The following SNED1 variants were observed in gnomAD, a reference collection of about 807,000 sequenced individuals.
SNED1 encodes the protein sushi, nidogen and EGF-like domain-containing protein 1.
In SNED1, 81 loss-of-function variants were observed where a neutral mutation model predicts 166.7. That is an observed-to-expected ratio of 0.49 (90% CI 0.41 to 0.58). The LOEUF is 0.58. SNED1 is among the 20% of genes least tolerant of loss of function. The pLI is 0.00. For missense variants in SNED1, 1,604 were observed against 2,000.2 expected (o/e 0.80, Z 3.78); for synonymous variants, 762 against 822.0 (o/e 0.93, Z 1.25).
Position 241,018,353 on chromosome 2 carries a change from A to G in SNED1, c.214-11931A>G, listed in dbSNP as rs1052390596. On this transcript the variant is annotated intron_variant, in intron 1 of 31. Coordinates refer to ENST00000310397, the MANE Select transcript of SNED1 (RefSeq NM_001080437.3). The surrounding 1 kb of genome is among the most constrained non-coding windows in gnomAD (Gnocchi z 5.4). ...CAGATACCACCTGGATCCACAGGACAGAGATGGGGAACCCAGCGCAGGTCA... is the reference window on the plus strand; with the variant it reads ...CAGATACCACCTGGATCCACAGGACGGAGATGGGGAACCCAGCGCAGGTCA... Among the ~76,000 whole-genome samples the G allele has an allele frequency of 4.6e-5, 7 of 152,216 alleles. No individual in the cohort carries two copies. Among genetic ancestry groups the G allele is most frequent in the African/African-American group, 1.4e-4 (6 of 41,458 alleles).
chr2:241,061,939 G>A (rs1458657337), intron 16 of SNED1, among the ~76,000 whole-genome samples: 1 of 152,006 alleles, frequency 6.6e-6, no homozygotes, highest in African/African-American at 2.4e-5. Context: ...AATGGGTGAA[G>A]TATGATATAA....
intron 1 of SNED1, among the ~76,000 whole-genome samples, chr2:241,001,890 C>T (rs935798734): frequency 6.6e-5 from 10 of 152,200 alleles, no homozygotes; most frequent in South Asian, 4.2e-4. Flanking sequence ...CTGCAGAGCC[C>T]GCAGGCAAGA....
At chr2:241,088,915 T>C (rs1404859833) in intron 31 of SNED1, 2 of 204,578 alleles carry the variant, frequency 9.8e-6, no homozygotes, top group Non-Finnish European at 1.9e-5. Flanking sequence ...GATCGCTTAA[T>C]ATTTAGAAAG....
intron 1 of SNED1, among the ~76,000 whole-genome samples, chr2:241,020,966 A>G (rs2060754468): frequency 1.3e-5 from 2 of 152,130 alleles, no homozygotes; most frequent in Non-Finnish European, 2.9e-5. Flanking sequence ...CAGCAATTCC[A>G]CCTTCAGATG....
chr2:241,026,009 CTT>C (rs71404676), intron 1 of SNED1, among the ~76,000 whole-genome samples: 187 of 73,560 alleles, frequency 2.5e-3, no homozygotes, highest in African/African-American at 6.6e-3. Flanking sequence ...TTTTCTTTTC[CTT>C]TTTTTTTTTT....
upstream of SNED1, among the ~76,000 whole-genome samples, chr2:240,998,613 G>C (rs924996820): frequency 4.6e-5 from 7 of 151,892 alleles, no homozygotes; most frequent in Non-Finnish European, 8.8e-5. Context: ...CCCAGGGGCG[G>C]GGCTGGCCCC....
In SNED1 at chr2:241,013,136, G is replaced by A. The variant is rs1226554497; in HGVS notation, c.213+14086G>A. On this transcript the variant is annotated intron_variant, in intron 1 of 31. Coordinates refer to ENST00000310397, the MANE Select transcript of SNED1 (RefSeq NM_001080437.3). The surrounding 1 kb of genome is among the most constrained non-coding windows in gnomAD (Gnocchi z 4.6). ...GGCGTGAGCCACCGCGCCCGGCCACGAGCAGTACTGTTAACTACGGTTGCC... is the reference window on the plus strand; with the variant it reads ...GGCGTGAGCCACCGCGCCCGGCCACAAGCAGTACTGTTAACTACGGTTGCC... 1.3e-5 allele frequency among the ~76,000 whole-genome samples: 2 copies of A among 152,018 alleles called. No individual in the cohort carries two copies. The highest frequency in any genetic ancestry group is 4.8e-5 in the African/African-American group (2 of 41,486).
chr2:241,087,167 G>T (rs1262856425), intron 29 of SNED1: 2 of 507,382 alleles, frequency 3.9e-6, no homozygotes, highest in Non-Finnish European at 3.5e-6. Flanking sequence ...ATTAAAATGG[G>T]TTTATTTTAT....
At chr2:241,071,954 C>A in intron 26 of SNED1, 76 bp downstream of exon 26, 1 of 1,216,188 alleles carries the variant, frequency 8.2e-7, no homozygotes. Context: ...GGTCCTGTCC[C>A]CTACATGATG....
In SNED1 at chr2:241,064,046, T is replaced by C. The variant is rs1402155854; in HGVS notation, c.2520T>C (p.His840=). 6.4e-7 allele frequency: 1 copy of C among 1,562,284 alleles called. No individual in the cohort carries two copies. The highest frequency in any genetic ancestry group is 1.9e-5 in the Admixed American group (1 of 52,796). ...CCTGCGACTCCAGCCCCTGCCAGCA[T>C]GGAGGCCGGTGTGAGAGCGGCGGCG... ...VDACDSSPCQ[H]GGRCESGGGA... The change falls in exon 19 of 32, where the codon CAT becomes CAC. Residue 840 remains histidine (H), a synonymous_variant. Coordinates refer to ENST00000310397, the MANE Select transcript of SNED1 (RefSeq NM_001080437.3). The surrounding 1 kb of genome is among the most constrained non-coding windows in gnomAD (Gnocchi z 7.0).
In SNED1 at chr2:241,073,212, C is replaced by G; in HGVS notation, c.3818-54C>G. ...AGCACTCAAAAGGGTGGCCCCAGGA[C>G]CATCCCGGGTGCAAAGCAGCTGCGC... On this transcript the variant is annotated intron_variant, in intron 26 of 31. Coordinates refer to ENST00000310397, the MANE Select transcript of SNED1 (RefSeq NM_001080437.3). This position sits in a 1 kb window ranked among gnomAD's most constrained non-coding sequence, Gnocchi z 6.6. 1 of 1,353,976 alleles carries G rather than the reference C, an allele frequency of 7.4e-7. No individual in the cohort carries two copies. Among genetic ancestry groups the G allele is most frequent in the East Asian group, 2.5e-5 (1 of 39,582 alleles). The allele number at this position is 1,353,976 out of a possible 1,614,324, so 83.9% of individuals were successfully genotyped here.
At chr2:241,017,099 C>T (rs1574880370) in intron 1 of SNED1, among the ~76,000 whole-genome samples, 1 of 152,296 alleles carries the variant, frequency 6.6e-6, no homozygotes, top group South Asian at 2.1e-4. Context: ...GATCCACCCA[C>T]CTTGGCCTCC....
chr2:241,083,436 C>T (rs926764736), intron 29 of SNED1, among the ~76,000 whole-genome samples: 1 of 152,096 alleles, frequency 6.6e-6, no homozygotes, highest in South Asian at 2.1e-4. Context: ...GTGACATGTT[C>T]GATTACACTA....
chr2:241,078,142 T>C (rs1394516227), intron 27 of SNED1, among the ~76,000 whole-genome samples: 3 of 151,962 alleles, frequency 2.0e-5, no homozygotes, highest in African/African-American at 4.8e-5. Flanking sequence ...CCCAGCACTT[T>C]GGGAGGCCGA....
intron 4 of SNED1, among the ~76,000 whole-genome samples, 154 bp downstream of exon 4, chr2:241,034,884 G>T (rs553131793): frequency 5.4e-4 from 82 of 152,208 alleles, no homozygotes; most frequent in African/African-American, 1.7e-3. Context: ...GTGAAACTAA[G>T]GAAAGCCTGG....
intron 16 of SNED1, among the ~76,000 whole-genome samples, chr2:241,062,549 C>T (rs1313862746): frequency 6.6e-6 from 1 of 152,178 alleles, no homozygotes; most frequent in Non-Finnish European, 1.5e-5. Flanking sequence ...CCCACAGCGT[C>T]TTCTGGGAGC....
rs1008822863 is a variant in SNED1, at chr2:241,069,039, C to T, written c.3307+16C>T. 1.9e-5 allele frequency: 29 copies of T among 1,519,480 alleles called. No individual in the cohort carries two copies. Among genetic ancestry groups the T allele is most frequent in the Admixed American group, 1.2e-4 (6 of 49,524 alleles). The allele number at this position is 1,519,480 out of a possible 1,614,324, so 94.1% of individuals were successfully genotyped here. A position where few individuals can be genotyped will look rare whatever the true frequency, so the allele number is the denominator to read the frequency against. On this transcript the variant is annotated intron_variant, in intron 23 of 31. Transcript: ENST00000310397. The surrounding 1 kb of genome is among the most constrained non-coding windows in gnomAD (Gnocchi z 4.9). ...GTGTGGACCCGTGAGTAGAGCAGCG[C>T]GGCCCCCGGCACACGAAAGGCCGTC...
At chr2:241,071,504 C>G (rs918842775) in intron 24 of SNED1, 72 bp from the exon 25 acceptor site, 7 of 1,514,950 alleles carry the variant, frequency 4.6e-6, no homozygotes, top group Non-Finnish European at 6.2e-6. Context: ...GGGGCACCAC[C>G]CATGCCACAG....
Position 241,064,067 on chromosome 2 carries a change from C to T in SNED1, c.2541C>T (p.Gly847=), listed in dbSNP as rs372029217. 4.5e-5 allele frequency: 70 copies of T among 1,569,962 alleles called. No individual in the cohort carries two copies. Among genetic ancestry groups the T allele is most frequent in the Admixed American group, 1.1e-4 (6 of 54,016 alleles). The change falls in exon 19 of 32, where the codon GGC becomes GGT. Residue 847 remains glycine (G), a synonymous_variant. Transcript: ENST00000310397. This position sits in a 1 kb window ranked among gnomAD's most constrained non-coding sequence, Gnocchi z 7.0. Reference sequence around the variant, plus strand: ...AGCATGGAGGCCGGTGTGAGAGCGGCGGCGGGGCCTACCTGTGCGTCTGCC... The same window carrying T: ...AGCATGGAGGCCGGTGTGAGAGCGGTGGCGGGGCCTACCTGTGCGTCTGCC... The part of the protein sequence containing the change: ...PCQHGGRCES[G]GGAYLCVCPE...
Sources: gnomAD v4.1 joint callset for allele counts (sites outside exome capture counted in the v4.1 genomes callset) on GRCh38, gnomAD v4.1.1 for gene constraint, Gnocchi (gnomAD v3.1) non-coding constraint, MANE v1.5 for transcripts, NCBI Gene and HGNC (gene_info 2026-07-23, HGNC 2026-07-21) for gene names.